The following SLC39A14 variants were observed in gnomAD, a reference collection of about 807,000 sequenced individuals.
SLC39A14 encodes metal cation symporter ZIP14.
Under a neutral mutation model 45.5 loss-of-function variants are expected in SLC39A14, and 19 were observed. The observed-to-expected ratio is 0.42, with a 90% CI of 0.29 to 0.61. The LOEUF is 0.61. SLC39A14 is among the 20% of genes least tolerant of loss of function. The probability of loss-of-function intolerance (pLI) is 0.22; values close to 1 mark genes in which losing one functional copy is unlikely to be tolerated. For missense variants in SLC39A14, 447 were observed against 616.5 expected (o/e 0.73, Z 2.91); for synonymous variants, 264 against 251.3 (o/e 1.05, Z -0.48).
At chr8:22,375,148 T>A (rs1158041613) in intron 1 of SLC39A14, among the ~76,000 whole-genome samples, 1 of 151,272 alleles carries the variant, frequency 6.6e-6, no homozygotes, top group East Asian at 2.0e-4. Context: ...CTCAGAAGCA[T>A]CTAGCAGCCT....
chr8:22,412,355 GC>G, intron 4 of SLC39A14, 149 bp downstream of exon 4: 4 of 822,016 alleles, frequency 4.9e-6, no homozygotes, highest in Non-Finnish European at 5.6e-6. Flanking sequence ...AGGAGAGGCA[GC>G]CCAGCATAGG....
chr8:22,391,139 G>A (rs372880941), intron 1 of SLC39A14, among the ~76,000 whole-genome samples: 2 of 152,140 alleles, frequency 1.3e-5, no homozygotes, highest in Non-Finnish European at 2.9e-5. Flanking sequence ...GAGCCTCTAG[G>A]CCATTTAATA....
chr8:22,429,491 C>G (rs1055560333), intron 8 of SLC39A14, among the ~76,000 whole-genome samples: 1 of 152,148 alleles, frequency 6.6e-6, no homozygotes, highest in South Asian at 2.1e-4. Context: ...GAAATTAAAG[C>G]TCTGTACTAG....
rs146668287 is a variant in SLC39A14, at chr8:22,433,458, T to C, written c.1333-433T>C. ...TATGACCTCAAACTCCTGGGCTCAA[T>C]AGATCCTCCTGCCTCAGCCTCCCAA... On this transcript the variant is annotated intron_variant, in intron 8 of 8. Transcript: ENST00000240095. Among the ~76,000 whole-genome samples the C allele has an allele frequency of 2.1e-3, 316 of 151,252 alleles. 6 individuals are homozygous for C. In the East Asian group the frequency reaches 0.053, roughly 26 times the overall value.
In SLC39A14 at chr8:22,416,107, T is replaced by C; in HGVS notation, c.974T>C (p.Leu325Pro). ...GCTTCCCAGAGTGCTTGCTACTGGC[T>C]GAAAGGTGTCCGCTACTCTGATATC... ...LQASQSACYW[L>P]KGVRYSDIGT... The change falls in exon 7 of 9, where the codon CTG (leucine) becomes CCG (proline). Residue 325 changes from leucine (L) to proline (P), a missense_variant. Transcript: ENST00000381237. 1 of 1,614,168 alleles carries C rather than the reference T, an allele frequency of 6.2e-7. No individual in the cohort carries two copies. The highest frequency in any genetic ancestry group is 8.5e-7 in the Non-Finnish European group (1 of 1,180,024).
At chr8:22,424,546 C>A (rs1836349945), downstream of SLC39A14, among the ~76,000 whole-genome samples, 1 of 152,208 alleles carries the variant, frequency 6.6e-6, no homozygotes. Context: ...CCTTCAGCTC[C>A]TGACACCTCG....
intron 1 of SLC39A14, among the ~76,000 whole-genome samples, chr8:22,389,396 G>T (rs1356401950): frequency 6.6e-6 from 1 of 152,064 alleles, no homozygotes; most frequent in African/African-American, 2.4e-5. Context: ...GGAGGAGTCG[G>T]GCGTGAGCGG....
intron 1 of SLC39A14, among the ~76,000 whole-genome samples, chr8:22,377,968 T>C (rs1011963914): frequency 6.6e-6 from 1 of 152,226 alleles, no homozygotes; most frequent in African/African-American, 2.4e-5. Context: ...TGTATTTGTC[T>C]TAAACAATAC....
chr8:22,405,012 T>C (rs754127194), intron 2 of SLC39A14, 32 bp downstream of exon 2: 1 of 1,598,198 alleles, frequency 6.3e-7, no homozygotes, highest in Non-Finnish European at 8.5e-7. Flanking sequence ...GCAGCTCTGC[T>C]CAGCCCCGTC....
At chr8:22,373,281 C>A (rs1479754082) in intron 1 of SLC39A14, among the ~76,000 whole-genome samples, 1 of 150,950 alleles carries the variant, frequency 6.6e-6, no homozygotes, top group African/African-American at 2.4e-5. Flanking sequence ...AAAAAAGTTT[C>A]ATGAAAAATA....
intron 1 of SLC39A14, among the ~76,000 whole-genome samples, chr8:22,397,405 G>C (rs184280483): frequency 1.9e-4 from 29 of 152,168 alleles, no homozygotes; most frequent in Non-Finnish European, 2.4e-4. Context: ...AGTGAAAGCC[G>C]GTCTCTACTA....
In SLC39A14 at chr8:22,421,459, G is replaced by A. The variant is rs1836224295; in HGVS notation, c.*1761G>A. On this transcript the variant is annotated 3_prime_UTR_variant, in exon 9 of 9. Coordinates refer to ENST00000381237, the MANE Select transcript of SLC39A14 (RefSeq NM_001128431.4). ...GCTGAAGAGGGAAAATTTCAGTGAT[G>A]GAGATTCTAGATTAAATATCAGGAC... is the stretch of plus-strand genomic sequence containing the variant. The A allele has an allele frequency of 1.0e-6, 1 of 985,000 alleles. No individual in the cohort carries two copies. The highest frequency in any genetic ancestry group is 1.8e-5 in the African/African-American group (1 of 57,136). The allele number at this position is 985,000 out of a possible 1,614,324, so 61.0% of individuals were successfully genotyped here. A position where few individuals can be genotyped will look rare whatever the true frequency, so the allele number is the denominator to read the frequency against.
At chr8:22,418,573 C>T (rs1208232119) in intron 8 of SLC39A14, among the ~76,000 whole-genome samples, 1 of 151,832 alleles carries the variant, frequency 6.6e-6, no homozygotes, top group Non-Finnish European at 1.5e-5. Flanking sequence ...ACCTCACTCA[C>T]CTAGCCTGGA....
downstream of SLC39A14, among the ~76,000 whole-genome samples, chr8:22,425,948 A>G (rs559029611): frequency 6.8e-6 from 1 of 146,992 alleles, no homozygotes; most frequent in African/African-American, 2.5e-5. Context: ...CTGGAGCACA[A>G]TGGTGCGATC....
At position 22,382,389 on chromosome 8, in the gene SLC39A14, G is replaced by C. The variant is rs866889701; in HGVS notation, c.-16+14981G>C. 7.2e-5 allele frequency among the ~76,000 whole-genome samples: 11 copies of C among 152,252 alleles called. No homozygotes were observed. The South Asian group carries it at 2.3e-3, about 32-fold the overall frequency. ...GGGAGTATGGAACTAGTTAAATCTT[G>C]GTCAGGCACAGTGGTATGTGCCTGT... On this transcript the variant is annotated intron_variant, in intron 1 of 8. Transcript: ENST00000381237.
intron 1 of SLC39A14, among the ~76,000 whole-genome samples, chr8:22,392,537 G>A (rs1834137585): frequency 6.6e-6 from 1 of 152,204 alleles, no homozygotes. Context: ...CCACATGCCC[G>A]GCCTCACGGT....
intron 1 of SLC39A14, among the ~76,000 whole-genome samples, chr8:22,374,663 C>T (rs1833114087): frequency 6.6e-6 from 1 of 150,786 alleles, no homozygotes; most frequent in Non-Finnish European, 1.5e-5. Flanking sequence ...CGAGTGTTCT[C>T]TTGGAACTCA....
intron 1 of SLC39A14, among the ~76,000 whole-genome samples, chr8:22,368,684 G>A (rs150603732): frequency 0.22 from 33,362 of 151,646 alleles, 4,645 homozygotes; most frequent in East Asian, 0.5. Context: ...CTACAGGCGC[G>A]TGCCACCATG....
At chr8:22,417,612 C>T (rs752701453) in intron 7 of SLC39A14, 39 bp from the exon 8 acceptor site, 3 of 1,574,596 alleles carry the variant, frequency 1.9e-6, no homozygotes, top group Admixed American at 3.4e-5. Flanking sequence ...TCTTACTCTT[C>T]CTTCCTCGTC....
Sources: gnomAD v4.1 joint callset for allele counts (sites outside exome capture counted in the v4.1 genomes callset) on GRCh38, gnomAD v4.1.1 for gene constraint, MANE v1.5 for transcripts, NCBI Gene and HGNC (gene_info 2026-07-23, HGNC 2026-07-21) for gene names.